The following TMEM117 variants were observed in gnomAD, a reference collection of about 807,000 sequenced individuals.
TMEM117 encodes transmembrane protein 117.
In TMEM117, 27 loss-of-function variants were observed where a neutral mutation model predicts 52.4. That is an observed-to-expected ratio of 0.51 (90% CI 0.38 to 0.71). TMEM117 has a LOEUF of 0.71. Ranked by LOEUF, TMEM117 falls within the 30% of genes least tolerant of loss-of-function variation. The pLI is 0.00. For missense variants in TMEM117, 556 were observed against 630.5 expected (o/e 0.88, Z 1.26); for synonymous variants, 215 against 206.3 (o/e 1.04, Z -0.36).
At chr12:43,839,654 T>C (rs1454953986) in intron 1 of TMEM117, among the ~76,000 whole-genome samples, 1 of 152,258 alleles carries the variant, frequency 6.6e-6, no homozygotes, top group Non-Finnish European at 1.5e-5. Flanking sequence ...TCTTAAATAC[T>C]GTGTTTAGTT....
At chr12:44,233,690 C>A (rs147059846) in intron 5 of TMEM117, among the ~76,000 whole-genome samples, 3 of 151,236 alleles carry the variant, frequency 2.0e-5, no homozygotes, top group Non-Finnish European at 4.5e-5. Context: ...TTTTATTTAT[C>A]TTTATGAAAA....
intron 5 of TMEM117, among the ~76,000 whole-genome samples, chr12:44,214,026 T>C (rs1006499683): frequency 1.3e-5 from 2 of 152,134 alleles, no homozygotes; most frequent in African/African-American, 4.8e-5. Flanking sequence ...TCATTAGCTG[T>C]TCTTAATCAT....
intron 4 of TMEM117, among the ~76,000 whole-genome samples, chr12:44,209,382 G>C (rs529376857): frequency 3.8e-4 from 58 of 152,174 alleles, no homozygotes; most frequent in Admixed American, 3.3e-3. Flanking sequence ...ATTAGTTTGA[G>C]TGAGAAAATA....
At chr12:44,134,835 C>T (rs1424268447) in intron 3 of TMEM117, among the ~76,000 whole-genome samples, 3 of 151,818 alleles carry the variant, frequency 2.0e-5, no homozygotes, top group Admixed American at 6.6e-5. Context: ...ATCTCGGTGA[C>T]GTTAGCTCAA....
At chr12:44,050,210 T>C (rs1946947846) in intron 3 of TMEM117, among the ~76,000 whole-genome samples, 1 of 152,214 alleles carries the variant, frequency 6.6e-6, no homozygotes, top group Non-Finnish European at 1.5e-5. Context: ...GGAGTCTCAT[T>C]CTGTCACCCA....
At chr12:44,016,831 G>A (rs1377494553) in intron 3 of TMEM117, among the ~76,000 whole-genome samples, 1 of 152,178 alleles carries the variant, frequency 6.6e-6, no homozygotes, top group African/African-American at 2.4e-5. Context: ...TATCACCTGG[G>A]TGCCTGCCAA....
At position 43,949,633 on chromosome 12, in the gene TMEM117, C is replaced by A. The variant is rs966153600; in HGVS notation, c.410+5291C>A. 2.0e-5 allele frequency among the ~76,000 whole-genome samples: 3 copies of A among 152,128 alleles called. No individual in the cohort carries two copies. The East Asian group carries it at 5.8e-4, about 29-fold the overall frequency. On this transcript the variant is annotated intron_variant, in intron 3 of 7. Coordinates refer to ENST00000266534, the MANE Select transcript of TMEM117 (RefSeq NM_032256.3). The stretch of plus-strand genomic sequence containing the variant: ...GCTATCTGTTGGGAGACTGCCTTTC[C>A]CTGGCACTGGCTGCGACCAATTATT...
rs1280436908 is a variant in TMEM117 at position 44,027,164 on chromosome 12, AT to A, written c.410+82826del. ...ATTTTATTTTATTTTATTTTATTTTATTTTATTTTATTTTATTTTATTTTAT... is the reference window on the plus strand; with the variant it reads ...ATTTTATTTTATTTTATTTTATTTTATTTATTTTATTTTATTTTATTTTAT... On this transcript the variant is annotated intron_variant, in intron 3 of 7. Transcript: ENST00000266534. 2.3e-3 allele frequency among the ~76,000 whole-genome samples: 293 copies of A among 126,918 alleles called. 8 individuals carry two copies. The highest frequency in any genetic ancestry group is 8.9e-3 in the African/African-American group (272 of 30,394). 83.3% of individuals were successfully genotyped at this position (126,918 alleles called of 152,430 possible).
chr12:43,804,463 G>A, the TMEM117 span: 1 of 1,378,720 alleles, frequency 7.3e-7, no homozygotes, highest in East Asian at 2.3e-5. Context: ...ACTAATCCAG[G>A]AACAGAAAAT....
chr12:43,955,271 T>G (rs1368829156), intron 3 of TMEM117, among the ~76,000 whole-genome samples: 1 of 152,122 alleles, frequency 6.6e-6, no homozygotes, highest in Non-Finnish European at 1.5e-5. Flanking sequence ...CTATTCAACA[T>G]GGTGTTGGAA....
At chr12:44,130,605 A>C (rs998116227) in intron 3 of TMEM117, among the ~76,000 whole-genome samples, 1 of 152,134 alleles carries the variant, frequency 6.6e-6, no homozygotes, top group East Asian at 1.9e-4. Context: ...ATTGTTGAAC[A>C]GTCTCCATTG....
the TMEM117 span, among the ~76,000 whole-genome samples, chr12:43,828,469 G>T: frequency 6.6e-6 from 1 of 152,206 alleles, no homozygotes; most frequent in South Asian, 2.1e-4. Flanking sequence ...TAGGGGTAGG[G>T]GGTTGCTCCC....
chr12:44,134,828 T>G (rs1948465975), intron 3 of TMEM117, among the ~76,000 whole-genome samples: 1 of 152,150 alleles, frequency 6.6e-6, no homozygotes, highest in South Asian at 2.1e-4. Flanking sequence ...GAATATAATC[T>G]CGGTGACGTT....
At chr12:44,286,901 T>C (rs761877578) in intron 5 of TMEM117, among the ~76,000 whole-genome samples, 1 of 152,192 alleles carries the variant, frequency 6.6e-6, no homozygotes, top group Non-Finnish European at 1.5e-5. Context: ...TGAACTCTAC[T>C]ACAAAGCAAA....
In TMEM117 at chr12:44,376,738, T is replaced by C; in HGVS notation, c.898+14T>C. The C allele has an allele frequency of 6.3e-7, 1 of 1,581,590 alleles. No individual in the cohort carries two copies. The highest frequency in any genetic ancestry group is 2.2e-5 in the East Asian group (1 of 44,516). The stretch of plus-strand genomic sequence containing the variant: ...TTCACATAACAGGTGTGTTATATCT[T>C]TGAACACAATTTGATTATCTTCGTA... On this transcript the variant is annotated intron_variant, in intron 7 of 7. Transcript: ENST00000266534.
At chr12:43,997,965 G>T (rs1172333498) in intron 3 of TMEM117, among the ~76,000 whole-genome samples, 2 of 152,280 alleles carry the variant, frequency 1.3e-5, no homozygotes, top group Non-Finnish European at 2.9e-5. Context: ...TACCACTTAT[G>T]CCAGATTCTG....
intron 6 of TMEM117, among the ~76,000 whole-genome samples, chr12:44,368,093 C>G (rs1951814702): frequency 6.6e-6 from 1 of 152,084 alleles, no homozygotes; most frequent in Non-Finnish European, 1.5e-5. Context: ...GCTCTTTCCT[C>G]TAGCTGATAT....
chr12:43,925,570 A>G (rs916176339), intron 2 of TMEM117, among the ~76,000 whole-genome samples: 11 of 152,154 alleles, frequency 7.2e-5, no homozygotes, highest in Non-Finnish European at 1.6e-4. Context: ...CCACCTCGTC[A>G]GTCATCCATG....
intron 5 of TMEM117, among the ~76,000 whole-genome samples, chr12:44,231,510 A>G (rs1226708538): frequency 2.0e-5 from 3 of 151,914 alleles, no homozygotes; most frequent in East Asian, 3.9e-4. Flanking sequence ...ATTCAGGAGT[A>G]AAGGAGAGAT....
Sources: allele counts gnomAD v4.1 joint callset (sites outside exome capture counted in the v4.1 genomes callset), GRCh38; gene constraint gnomAD v4.1.1; transcripts MANE v1.5; gene names NCBI Gene and HGNC (gene_info 2026-07-23, HGNC 2026-07-21).